GNAT3: variants seen among roughly 807,000 people sequenced by gnomAD.
GNAT3 encodes G protein subunit alpha transducin 3, also known as guanine nucleotide-binding protein G(t) subunit alpha-3.
In GNAT3, 31 loss-of-function variants were observed where a neutral mutation model predicts 37.7. The observed-to-expected ratio is 0.82, with a 90% CI of 0.62 to 1.11. GNAT3 has a LOEUF of 1.11. GNAT3 is among the 50% of genes most tolerant of loss of function. GNAT3 has a pLI of 0.00. For synonymous variants in GNAT3, 138 were observed against 139.8 expected (o/e 0.99, Z 0.09); for missense variants, 437 against 412.5 (o/e 1.06, Z -0.51).
chr7:80,478,874 G>C lies in GNAT3; in HGVS notation c.428C>G (p.Ala143Gly). 2 of 1,613,186 alleles carry C rather than the reference G, an allele frequency of 1.2e-6. No individual in the cohort carries two copies. Among genetic ancestry groups the C allele is most frequent in the Non-Finnish European group, 1.7e-6 (2 of 1,179,460 alleles). Residue 143 changes from alanine (A) to glycine (G), a missense_variant, in exon 4 of 8, where the codon GCA becomes GGA. Physicochemically the swap from Ala to Gly is moderately conservative, Grantham distance 60. Coordinates refer to ENST00000398291, the MANE Select transcript of GNAT3 (RefSeq NM_001102386.3). ...DPGIQACFERASEYQLNDSAA... is the reference protein window; with the variant it reads ...DPGIQACFERGSEYQLNDSAA... ...TGAGTCATTGAGCTGATATTCAGAT[G>C]CCCTTTCAAAGCAGGCCTGAATTCC...
At chr7:80,467,874 C>G (rs553379045) in intron 5 of GNAT3, among the ~76,000 whole-genome samples, 1 of 151,914 alleles carries the variant, frequency 6.6e-6, no homozygotes, top group East Asian at 1.9e-4. Context: ...TCTTAACTTC[C>G]ACGATGTTAC....
At chr7:80,494,964 T>G (rs1346767638) in intron 1 of GNAT3, among the ~76,000 whole-genome samples, 1 of 152,188 alleles carries the variant, frequency 6.6e-6, no homozygotes, top group African/African-American at 2.4e-5. Context: ...TAGCTCCCAC[T>G]TATAAGTGAG....
At chr7:80,510,042 C>T (rs1791034900) in intron 1 of GNAT3, among the ~76,000 whole-genome samples, 1 of 152,100 alleles carries the variant, frequency 6.6e-6, no homozygotes, top group African/African-American at 2.4e-5. Context: ...TAACTATAGT[C>T]ACCGTGCTGA....
chr7:80,510,083 A>T (rs1791037688), intron 1 of GNAT3, among the ~76,000 whole-genome samples: 1 of 152,008 alleles, frequency 6.6e-6, no homozygotes, highest in African/African-American at 2.4e-5. Context: ...TATTCTTCCT[A>T]TTTAACTGTA....
chr7:80,495,974 T>C (rs926734730), intron 1 of GNAT3, among the ~76,000 whole-genome samples: 1 of 152,170 alleles, frequency 6.6e-6, no homozygotes, highest in Non-Finnish European at 1.5e-5. Flanking sequence ...ATGCATAGCT[T>C]GCAAATGTTT....
intron 7 of GNAT3, among the ~76,000 whole-genome samples, chr7:80,460,424 T>C (rs928163938): frequency 1.3e-5 from 2 of 152,074 alleles, no homozygotes; most frequent in East Asian, 1.9e-4. Context: ...GCAAAACACA[T>C]AGAACTGTGC....
At chr7:80,464,145 T>A (rs549194511) in intron 5 of GNAT3, among the ~76,000 whole-genome samples, 4 of 146,744 alleles carry the variant, frequency 2.7e-5, no homozygotes, top group East Asian at 2.3e-4. Flanking sequence ...CTATAGGATA[T>A]CCAAAATGGA....
intron 2 of GNAT3, among the ~76,000 whole-genome samples, chr7:80,492,954 A>G (rs1335854213): frequency 2.0e-5 from 3 of 151,916 alleles, no homozygotes; most frequent in African/African-American, 4.8e-5. Flanking sequence ...TGTCATTTCT[A>G]TACTCTCTAT....
intron 4 of GNAT3, among the ~76,000 whole-genome samples, chr7:80,474,962 A>G (rs1409753954): frequency 2.0e-5 from 3 of 152,110 alleles, no homozygotes; most frequent in Admixed American, 2.0e-4. Context: ...AGACTCAGCC[A>G]TTTCCATTAA....
intron 1 of GNAT3, 144 bp downstream of exon 1, chr7:80,511,665 T>C (rs1791066501): frequency 3.6e-6 from 2 of 551,900 alleles, no homozygotes; most frequent in South Asian, 2.5e-5. Context: ...AGAGTACAAA[T>C]AAATTTTCCT....
chr7:80,469,152 C>T lies in GNAT3; in HGVS notation c.590+5099G>A, dbSNP rs1030202928. 5.9e-5 allele frequency among the ~76,000 whole-genome samples: 9 copies of T among 152,070 alleles called. No individual in the cohort carries two copies. In the East Asian group the frequency reaches 7.7e-4, roughly 13 times the overall value. ...AATGACCACGATATACACAATTCAA[C>T]GTCATATCTCAGGAAAACCGTAGTT... On this transcript the variant is annotated intron_variant, in intron 5 of 7. Coordinates refer to ENST00000398291, the MANE Select transcript of GNAT3 (RefSeq NM_001102386.3).
chr7:80,497,028 C>T (rs1790729775), intron 1 of GNAT3, among the ~76,000 whole-genome samples: 1 of 152,090 alleles, frequency 6.6e-6, no homozygotes, highest in Admixed American at 6.6e-5. Flanking sequence ...ACTTCAAGAA[C>T]ACACCTCTCC....
intron 3 of GNAT3, among the ~76,000 whole-genome samples, chr7:80,486,286 A>T (rs569922078): frequency 6.6e-6 from 1 of 152,296 alleles, no homozygotes; most frequent in East Asian, 1.9e-4. Flanking sequence ...ACAATGGCTA[A>T]GTGCTGCTTA....
Position 80,458,715 on chromosome 7 carries a change from C to G in GNAT3, c.1021G>C (p.Asp341His). 1 of 1,595,094 alleles carries G rather than the reference C, an allele frequency of 6.3e-7. No homozygotes were observed. The highest frequency in any genetic ancestry group is 8.5e-7 in the Non-Finnish European group (1 of 1,170,098). ...NVKFVFDAVT[D>H]IIIKENLKDC... is the part of the protein sequence containing the mutation. ...TTTAGATTCTCTTTGATTATTATAT[C>G]TGTAACTGCGTCAAACACAAACTTG... The change falls in exon 8 of 8, where the codon GAT becomes CAT. Residue 341 changes from aspartate (D) to histidine (H), a missense_variant. Transcript: ENST00000398291.
intron 4 of GNAT3, among the ~76,000 whole-genome samples, chr7:80,475,333 C>T (rs1790285228): frequency 6.7e-6 from 1 of 148,216 alleles, no homozygotes; most frequent in African/African-American, 2.5e-5. Context: ...AGCTTCCTAA[C>T]TCTTGAAACG....
chr7:80,475,103 C>T (rs73369012), intron 4 of GNAT3, among the ~76,000 whole-genome samples: 1,836 of 151,980 alleles, frequency 0.012, 25 homozygotes, highest in African/African-American at 0.042. Context: ...GAAGGGTGAA[C>T]GTACCCACTG....
chr7:80,472,691 C>T (rs1169962790), intron 5 of GNAT3, among the ~76,000 whole-genome samples: 1 of 152,082 alleles, frequency 6.6e-6, no homozygotes, highest in East Asian at 1.9e-4. Flanking sequence ...TGTCCAAACC[C>T]GTTTATGGTC....
At chr7:80,501,020 C>T (rs1043793477) in intron 1 of GNAT3, among the ~76,000 whole-genome samples, 1 of 151,834 alleles carries the variant, frequency 6.6e-6, no homozygotes, top group Admixed American at 6.6e-5. Flanking sequence ...ATTTTGTTGT[C>T]AAAGTTGTCA....
intron 1 of GNAT3, among the ~76,000 whole-genome samples, chr7:80,508,218 T>C (rs1264567954): frequency 1.3e-5 from 2 of 151,828 alleles, no homozygotes; most frequent in African/African-American, 4.8e-5. Flanking sequence ...CTAATTTTTT[T>C]CCTATGCTTT....
Sources: allele counts gnomAD v4.1 joint callset (sites outside exome capture counted in the v4.1 genomes callset), GRCh38; gene constraint gnomAD v4.1.1; transcripts MANE v1.5; gene names NCBI Gene and HGNC (gene_info 2026-07-23, HGNC 2026-07-21).